The following BCAS3 variants were observed in gnomAD, a reference collection of about 807,000 sequenced individuals.
BCAS3 encodes the protein BCAS4/BCAS3 fusion.
BCAS3 carries 53 observed loss-of-function variants against 116.1 expected under a neutral mutation model. That is an observed-to-expected ratio of 0.46 (90% CI 0.37 to 0.57). BCAS3 has a LOEUF of 0.57. Among genes scored for constraint, BCAS3 ranks in the 20% least tolerant of loss-of-function variants. The pLI is 0.00. For missense variants in BCAS3, 917 were observed against 1,165.4 expected, an observed-to-expected ratio of 0.79 and a Z score of 3.10; for synonymous variants, 391 against 408.2, an observed-to-expected ratio of 0.96 and a Z score of 0.51.
intron 10 of BCAS3, among the ~76,000 whole-genome samples, chr17:60,902,307 T>G (rs575108682): frequency 3.3e-5 from 5 of 152,344 alleles, no homozygotes; most frequent in African/African-American, 7.2e-5. Flanking sequence ...GATTACGTTT[T>G]TAAAATTTAT....
At chr17:60,715,104 CAAAT>C (rs979884993) in intron 5 of BCAS3, among the ~76,000 whole-genome samples, 9 of 149,622 alleles carry the variant, frequency 6.0e-5, no homozygotes, top group Admixed American at 1.3e-4. Context: ...AAATATGAAA[CAAAT>C]GAAGTTCTGT....
intron 14 of BCAS3, among the ~76,000 whole-genome samples, chr17:60,959,515 G>C (rs2145299482): frequency 6.6e-6 from 1 of 152,278 alleles, no homozygotes; most frequent in Non-Finnish European, 1.5e-5. Context: ...TCAGTGAATA[G>C]AGGAACTAAA....
rs970484694 is a variant in BCAS3, at chr17:61,098,050, C to T, written c.2425+13486C>T. Among the ~76,000 whole-genome samples the T allele has an allele frequency of 3.9e-5, 6 of 152,190 alleles. No homozygotes were observed. The highest frequency in any genetic ancestry group is 1.4e-4 in the African/African-American group (6 of 41,444). On this transcript the variant is annotated intron_variant, in intron 22 of 23. Coordinates refer to ENST00000407086, the MANE Select transcript of BCAS3 (RefSeq NM_017679.5). The surrounding 1 kb of genome is among the most constrained non-coding windows in gnomAD (Gnocchi z 4.2). ...ACTGACAGGCCTGACTGGTCATTGGCTTTCCATTCCTGGCATTGATATGAC... is the reference window on the plus strand; with the variant it reads ...ACTGACAGGCCTGACTGGTCATTGGTTTTCCATTCCTGGCATTGATATGAC...
chr17:61,371,587 C>CA (rs1285699115), intron 23 of BCAS3, among the ~76,000 whole-genome samples: 2 of 152,030 alleles, frequency 1.3e-5, no homozygotes, highest in African/African-American at 4.8e-5. Flanking sequence ...GTTCTCGACA[C>CA]AAAAAATGTT....
chr17:61,020,515 C>T lies in BCAS3; in HGVS notation c.1637+4614C>T, dbSNP rs1375410262. On this transcript the variant is annotated intron_variant, in intron 16 of 23. Transcript: ENST00000407086. The surrounding 1 kb of genome is among the most constrained non-coding windows in gnomAD (Gnocchi z 4.5). ...CAATAATCACCCATTCAAACAGACT[C>T]TGTTTTCTTTCAGTTTAAGACTGGA... is the stretch of plus-strand genomic sequence containing the variant. 1.3e-5 allele frequency among the ~76,000 whole-genome samples: 2 copies of T among 152,166 alleles called. No individual in the cohort carries two copies. Among genetic ancestry groups the T allele is most frequent in the Admixed American group, 1.3e-4 (2 of 15,284 alleles).
intron 12 of BCAS3, 144 bp downstream of exon 12, chr17:60,910,846 A>G: frequency 1.3e-6 from 1 of 771,768 alleles, no homozygotes; most frequent in South Asian, 2.5e-5. Context: ...GTTTTTCTTT[A>G]AAAATGATTA....
chr17:60,781,283 T>C lies in BCAS3; in HGVS notation c.404-26721T>C, dbSNP rs575740401. 2.2e-3 allele frequency among the ~76,000 whole-genome samples: 334 copies of C among 152,110 alleles called. 6 individuals carry two copies. Among genetic ancestry groups the C allele is most frequent in the East Asian group, 0.016 (83 of 5,150 alleles). ...CTACGCCCAGCTTTTTTTTCCTTTT[T>C]TTTTTGCCATCTTTCTCAAAGAAAG... On this transcript the variant is annotated intron_variant, in intron 6 of 23. Transcript: ENST00000407086.
At chr17:60,734,916 G>T (rs2040818393) in intron 5 of BCAS3, among the ~76,000 whole-genome samples, 1 of 152,310 alleles carries the variant, frequency 6.6e-6, no homozygotes, top group South Asian at 2.1e-4. Flanking sequence ...AAGTTGGAAA[G>T]AACTGACATC....
chr17:61,369,932 A>G (rs561961373), intron 23 of BCAS3, among the ~76,000 whole-genome samples: 90 of 152,266 alleles, frequency 5.9e-4, no homozygotes, highest in African/African-American at 1.9e-3. Flanking sequence ...GCCCGGTGCC[A>G]CTGGACCCAT....
chr17:61,046,022 A>T (rs1404778427), intron 19 of BCAS3, among the ~76,000 whole-genome samples: 1 of 11,798 alleles, frequency 8.5e-5, no homozygotes, highest in Non-Finnish European at 1.2e-4. Context: ...TTATATATAT[A>T]TTATATATAT....
chr17:60,837,791 A>C (rs2144747379), intron 7 of BCAS3, among the ~76,000 whole-genome samples: 1 of 151,930 alleles, frequency 6.6e-6, no homozygotes, highest in Non-Finnish European at 1.5e-5. Context: ...GTAGCTGGGA[A>C]CAGGTGCGTG....
intron 22 of BCAS3, among the ~76,000 whole-genome samples, chr17:61,129,070 G>T (rs1044558730): frequency 6.6e-6 from 1 of 152,194 alleles, no homozygotes; most frequent in African/African-American, 2.4e-5. Context: ...GTGCTGTTTT[G>T]ATAGAGGATC....
intron 15 of BCAS3, among the ~76,000 whole-genome samples, chr17:61,014,815 G>A (rs1245979221): frequency 6.6e-6 from 1 of 152,032 alleles, no homozygotes; most frequent in East Asian, 1.9e-4. Context: ...ATGTACAAAA[G>A]TTACCTGTAT....
intron 5 of BCAS3, among the ~76,000 whole-genome samples, chr17:60,716,630 G>T (rs766713804): frequency 6.6e-6 from 1 of 151,546 alleles, no homozygotes; most frequent in Non-Finnish European, 1.5e-5. Flanking sequence ...GAAACAGGGG[G>T]ATCAGTTGAA....
chr17:60,816,830 C>T (rs141486833), intron 7 of BCAS3, among the ~76,000 whole-genome samples: 8 of 152,212 alleles, frequency 5.3e-5, no homozygotes, highest in Non-Finnish European at 7.4e-5. Flanking sequence ...AGCTCATTGG[C>T]GCTAGAGTGA....
rs2143469193 is a variant in BCAS3, at chr17:61,363,650, C to A, written c.2426-4677C>A. Among the ~76,000 whole-genome samples the A allele has an allele frequency of 6.6e-6, 1 of 151,446 alleles. No homozygotes were observed. Among genetic ancestry groups the A allele is most frequent in the African/African-American group, 2.4e-5 (1 of 41,200 alleles). On this transcript the variant is annotated intron_variant, in intron 22 of 23. Transcript: ENST00000407086. The surrounding 1 kb of genome is among the most constrained non-coding windows in gnomAD (Gnocchi z 4.9). The stretch of plus-strand genomic sequence containing the variant: ...AATATTTGATATATGTGTGAGTTAA[C>A]TGAAATAGCAAATGTGAGAGGGCTT...
intron 12 of BCAS3, among the ~76,000 whole-genome samples, chr17:60,911,182 G>A (rs7218277): frequency 0.099 from 12,827 of 129,506 alleles, 1,942 homozygotes; most frequent in African/African-American, 0.33. Context: ...GAGTGCAGTG[G>A]AGTGATCTCA....
intron 12 of BCAS3, among the ~76,000 whole-genome samples, chr17:60,912,280 A>C (rs2058555394): frequency 6.6e-6 from 1 of 152,144 alleles, no homozygotes; most frequent in Non-Finnish European, 1.5e-5. Flanking sequence ...TATATATTTA[A>C]TTCCATATTC....
chr17:61,322,579 C>CT (rs988411511), intron 22 of BCAS3, among the ~76,000 whole-genome samples: 2 of 152,212 alleles, frequency 1.3e-5, no homozygotes, highest in African/African-American at 4.8e-5. Flanking sequence ...CCCCTCTTTC[C>CT]TTTTTCCTCC....
Sources: gnomAD v4.1 joint callset for allele counts (sites outside exome capture counted in the v4.1 genomes callset) on GRCh38, gnomAD v4.1.1 for gene constraint, Gnocchi (gnomAD v3.1) non-coding constraint, MANE v1.5 for transcripts, NCBI Gene and HGNC (gene_info 2026-07-23, HGNC 2026-07-21) for gene names.